The following SDR42E1 variants were observed in gnomAD, a reference collection of about 807,000 sequenced individuals.
The protein encoded by SDR42E1 is short chain dehydrogenase/reductase family 42E, member 1.
In SDR42E1, 5 loss-of-function variants were observed where a neutral mutation model predicts 2.6. The ratio of observed to expected loss-of-function variants is 1.94; its 90% CI spans 1.01 to 4.08. The LOEUF (loss-of-function observed/expected upper bound fraction) is 4.08, where lower values mean the gene tolerates loss of function less well. Among genes scored for constraint, SDR42E1 ranks in the 30% most tolerant of loss-of-function variants. SDR42E1 has a pLI of 0.00. For synonymous variants in SDR42E1, 231 were observed against 188.3 expected, an observed-to-expected ratio of 1.23 and a Z score of -1.86; for missense variants, 596 against 478.6, an observed-to-expected ratio of 1.25 and a Z score of -2.29.
rs1214252905 is a variant in SDR42E1, at chr16:81,989,978, A to C, written c.*9133T>G. The C allele has an allele frequency of 6.6e-6, 1 of 152,492 alleles. No homozygotes were observed. Among genetic ancestry groups the C allele is most frequent in the African/African-American group, 2.4e-5 (1 of 41,468 alleles). The allele number at this position is 152,492 out of a possible 1,614,324, so 9.4% of individuals were successfully genotyped here. On this transcript the variant is annotated 3_prime_UTR_variant, in exon 3 of 3. Coordinates refer to ENST00000328945, the MANE Select transcript of SDR42E1 (RefSeq NM_145168.3). ...GTGCCACTGCACTCCAGCCTGGGCCACAAGACCAAAACTCCGTCTGAAACA... is the reference window on the plus strand; with the variant it reads ...GTGCCACTGCACTCCAGCCTGGGCCCCAAGACCAAAACTCCGTCTGAAACA...
In SDR42E1 at chr16:81,997,378, T is replaced by C. The variant is rs1243962080; in HGVS notation, c.*1733A>G. The C allele has an allele frequency of 6.6e-6, 1 of 152,156 alleles. No homozygotes were observed. The highest frequency in any genetic ancestry group is 6.5e-5 in the Admixed American group (1 of 15,282). 9.4% of individuals were successfully genotyped at this position (152,156 alleles called of 1,614,324 possible). On this transcript the variant is annotated 3_prime_UTR_variant, in exon 3 of 3. Transcript: ENST00000328945. ...GGTATAATACGGAAATACCTTTGTG[T>C]ATTTCCTTCCCCTACTGAATAGGAT...
At position 81,999,635 on chromosome 16, in the gene SDR42E1, C is replaced by T. The variant is rs780721043; in HGVS notation, c.658G>A (p.Val220Ile). Reference protein sequence around the residue: ...KFVYGDPRSLVEFVHVDNLVQ... With the variant: ...KFVYGDPRSLIEFVHVDNLVQ... ...AAGTTATCCACGTGGACAAACTCAA[C>T]CAGGCTCCTGGGGTCCCCGTAGACA... Residue 220 changes from valine to isoleucine, a missense_variant, in exon 3 of 3, where the codon GTT (valine) becomes ATT (isoleucine). Transcript: ENST00000328945. 2.5e-6 allele frequency: 4 copies of T among 1,614,172 alleles called. No individual in the cohort carries two copies. Among genetic ancestry groups the T allele is most frequent in the Non-Finnish European group, 3.4e-6 (4 of 1,180,016 alleles).
chr16:82,010,139 C>T (rs1402064398), intron 1 of SDR42E1, among the ~76,000 whole-genome samples: 6 of 152,220 alleles, frequency 3.9e-5, no homozygotes, highest in Admixed American at 3.9e-4. Flanking sequence ...TTATAAATTA[C>T]CCAGTCTTGG....
chr16:82,010,753 G>A (rs1913099745), intron 1 of SDR42E1, among the ~76,000 whole-genome samples: 1 of 152,092 alleles, frequency 6.6e-6, no homozygotes, highest in Admixed American at 6.5e-5. Context: ...AACGAAACTG[G>A]GCTCTGACCA....
intron 1 of SDR42E1, chr16:82,007,651 T>A (rs1261129998): frequency 6.6e-6 from 1 of 152,244 alleles, no homozygotes; most frequent in Non-Finnish European, 1.5e-5. Context: ...CTGAGTCCTG[T>A]GAGGGCTTTC....
At position 81,991,160 on chromosome 16, in the gene SDR42E1, C is replaced by T. The variant is rs1001794710; in HGVS notation, c.*7951G>A. ...ATGTCCTCTGGGCTATTAAGTATGG[C>T]TCTAACATCCATGCTCCTCACAAAA... On this transcript the variant is annotated 3_prime_UTR_variant, in exon 3 of 3. Coordinates refer to ENST00000328945, the MANE Select transcript of SDR42E1 (RefSeq NM_145168.3). The T allele has an allele frequency of 1.3e-5, 2 of 152,164 alleles. No homozygotes were observed. Among genetic ancestry groups the T allele is most frequent in the African/African-American group, 4.8e-5 (2 of 41,426 alleles). The allele number at this position is 152,164 out of a possible 1,614,324, so 9.4% of individuals were successfully genotyped here. A position where few individuals can be genotyped will look rare whatever the true frequency, so the allele number is the denominator to read the frequency against.
intron 1 of SDR42E1, chr16:82,007,661 C>T (rs1339205661): frequency 1.3e-5 from 2 of 152,234 alleles, no homozygotes; most frequent in African/African-American, 4.8e-5. Flanking sequence ...TGAGGGCTTT[C>T]ACTGTTAACA....
At chr16:82,011,262 C>G (rs1427049027) in intron 1 of SDR42E1, 125 bp downstream of exon 1, 3 of 152,388 alleles carry the variant, frequency 2.0e-5, no homozygotes, top group African/African-American at 7.2e-5. Context: ...TTCCCGCCAC[C>G]CTGCTCAGTC....
At position 81,999,053 on chromosome 16, in the gene SDR42E1, C is replaced by T; in HGVS notation, c.*58G>A. ...GATATCACTGTACACATTTTAAAACCCATGTTTCTTGAGAACCATCTCAGC... is the reference window on the plus strand; with the variant it reads ...GATATCACTGTACACATTTTAAAACTCATGTTTCTTGAGAACCATCTCAGC... On this transcript the variant is annotated 3_prime_UTR_variant, in exon 3 of 3. Transcript: ENST00000328945. 6.5e-7 allele frequency: 1 copy of T among 1,545,878 alleles called. No individual in the cohort carries two copies. The highest frequency in any genetic ancestry group is 1.7e-4 in the Middle Eastern group (1 of 5,736).
chr16:81,990,073 A>C lies in SDR42E1; in HGVS notation c.*9038T>G, dbSNP rs1912393636. On this transcript the variant is annotated 3_prime_UTR_variant, in exon 3 of 3. Transcript: ENST00000328945. ...ATTCCTGTAATCTCACCACTTTGGGAGACTGAGGAAGGAGGATCACCTAAG... is the reference window on the plus strand; with the variant it reads ...ATTCCTGTAATCTCACCACTTTGGGCGACTGAGGAAGGAGGATCACCTAAG... The C allele has an allele frequency of 6.6e-6, 1 of 152,388 alleles. No individual in the cohort carries two copies. The highest frequency in any genetic ancestry group is 2.4e-5 in the African/African-American group (1 of 41,450). 9.4% of individuals were successfully genotyped at this position (152,388 alleles called of 1,614,324 possible).
chr16:81,999,070 C>A lies in SDR42E1; in HGVS notation c.*41G>T, dbSNP rs1026200483. 17 of 1,574,560 alleles carry A rather than the reference C, an allele frequency of 1.1e-5. No homozygotes were observed. The highest frequency in any genetic ancestry group is 1.5e-5 in the Non-Finnish European group (17 of 1,163,486). ...TTTAAAACCCATGTTTCTTGAGAAC[C>A]ATCTCAGCCAACTGTGATCACCTTA... On this transcript the variant is annotated 3_prime_UTR_variant, in exon 3 of 3. Transcript: ENST00000328945.
rs900068967 is a variant in SDR42E1, at chr16:81,992,835, A to G, written c.*6276T>C. 5.9e-5 allele frequency: 9 copies of G among 152,236 alleles called. No individual in the cohort carries two copies. Among genetic ancestry groups the G allele is most frequent in the African/African-American group, 1.7e-4 (7 of 41,550 alleles). 9.4% of individuals were successfully genotyped at this position (152,236 alleles called of 1,614,324 possible). A position where few individuals can be genotyped will look rare whatever the true frequency, so the allele number is the denominator to read the frequency against. On this transcript the variant is annotated 3_prime_UTR_variant, in exon 3 of 3. Coordinates refer to ENST00000328945, the MANE Select transcript of SDR42E1 (RefSeq NM_145168.3). ...TAATTATGAACGCAACTTGAGTTCA[A>G]TGAGTTCCTGGTGTGCCCAGGTTCT...
Position 81,998,247 on chromosome 16 carries a change from C to T in SDR42E1, c.*864G>A, listed in dbSNP as rs1350729567. On this transcript the variant is annotated 3_prime_UTR_variant, in exon 3 of 3. Coordinates refer to ENST00000328945, the MANE Select transcript of SDR42E1 (RefSeq NM_145168.3). ...CATCAGCTTGATTGACTCCCTTAAT[C>T]ATCAGATTTTTAGTTGCTTCATTGT... The T allele has an allele frequency of 6.6e-6, 1 of 152,178 alleles. No homozygotes were observed. The allele number at this position is 152,178 out of a possible 1,614,324, so 9.4% of individuals were successfully genotyped here.
At position 81,999,975 on chromosome 16, in the gene SDR42E1, G is replaced by GATGTTGTCT; in HGVS notation, c.309_317dup (p.Asp104_Ile106dup). On this transcript the variant is annotated inframe_insertion, in exon 3 of 3. Transcript: ENST00000328945. The stretch of plus-strand genomic sequence containing the variant: ...CCCTTCTCCTTTGGCAAACCTGGAG[G>GATGTTGTCT]ATGTTGTCTGTGCCCCTGACGTTGA... 6.2e-7 allele frequency: 1 copy of GATGTTGTCT among 1,614,198 alleles called. No individual in the cohort carries two copies.
rs565357770 is a variant in SDR42E1 at position 81,992,289 on chromosome 16, C to A, written c.*6822G>T. The A allele has an allele frequency of 1.3e-5, 2 of 152,254 alleles. No individual in the cohort carries two copies. The highest frequency in any genetic ancestry group is 3.9e-4 in the East Asian group (2 of 5,180). 9.4% of individuals were successfully genotyped at this position (152,254 alleles called of 1,614,324 possible). A position where few individuals can be genotyped will look rare whatever the true frequency, so the allele number is the denominator to read the frequency against. On this transcript the variant is annotated 3_prime_UTR_variant, in exon 3 of 3. Transcript: ENST00000328945. ...GTGACAGGTTAATATTGATCATTAG[C>A]TTCATGTTGAACATTCCCAGAAGCT...
rs369956724 is a variant in SDR42E1, at chr16:82,000,064, A to G, written c.229T>C (p.Phe77Leu). ...AFQDADVTCV[F>L]HIASYGMSGR... ...GACATACCATAAGAGGCAATATGGA[A>G]CACACAAGTGACGTCTGCATCCTGG... The change falls in exon 3 of 3, where the codon TTC (phenylalanine) becomes CTC (leucine). Residue 77 changes from phenylalanine to leucine, a missense_variant. Physicochemically the swap from Phe to Leu is conservative, Grantham distance 22. Coordinates refer to ENST00000328945, the MANE Select transcript of SDR42E1 (RefSeq NM_145168.3). The G allele has an allele frequency of 4.3e-6, 7 of 1,614,232 alleles. No individual in the cohort carries two copies. The highest frequency in any genetic ancestry group is 5.9e-6 in the Non-Finnish European group (7 of 1,180,032).
chr16:82,008,868 A>G (rs1411224764), intron 1 of SDR42E1, among the ~76,000 whole-genome samples: 2 of 152,124 alleles, frequency 1.3e-5, no homozygotes, highest in African/African-American at 2.4e-5. Context: ...CCTCCTACCA[A>G]AGGCCCAGAA....
In SDR42E1 at chr16:81,991,765, GTTTTGCCACT is replaced by G. The variant is rs1321424188; in HGVS notation, c.*7336_*7345del. 4 of 151,454 alleles carry G rather than the reference GTTTTGCCACT, an allele frequency of 2.6e-5. No individual in the cohort carries two copies. Among genetic ancestry groups the G allele is most frequent in the Non-Finnish European group, 4.4e-5 (3 of 67,980 alleles). 9.4% of individuals were successfully genotyped at this position (151,454 alleles called of 1,614,324 possible). A position where few individuals can be genotyped will look rare whatever the true frequency, so the allele number is the denominator to read the frequency against. ...TCAAGTAAACCTGGCTCAAATTTAAGTTTTGCCACTTCCTAGCTGGTGACGCTGGGTACCC... is the reference window on the plus strand; with the variant it reads ...TCAAGTAAACCTGGCTCAAATTTAAGTCCTAGCTGGTGACGCTGGGTACCC... On this transcript the variant is annotated 3_prime_UTR_variant, in exon 3 of 3. Transcript: ENST00000328945.
At chr16:82,002,002 G>C (rs1912784405) in intron 1 of SDR42E1, among the ~76,000 whole-genome samples, 1 of 139,274 alleles carries the variant, frequency 7.2e-6, no homozygotes, top group Non-Finnish European at 1.5e-5. Context: ...ATATACCTGT[G>C]CTCAAGTCAA....
Sources: gnomAD v4.1 joint callset for allele counts (sites outside exome capture counted in the v4.1 genomes callset) on GRCh38, gnomAD v4.1.1 for gene constraint, MANE v1.5 for transcripts, NCBI Gene and HGNC (gene_info 2026-07-23, HGNC 2026-07-21) for gene names.